The following SPTBN1 variants were observed in gnomAD, a reference collection of about 807,000 sequenced individuals.
SPTBN1 encodes spectrin beta, non-erythrocytic 1.
In SPTBN1, 32 loss-of-function variants were observed where a neutral mutation model predicts 266.4. That is an observed-to-expected ratio of 0.12 (90% confidence interval 0.09 to 0.16). SPTBN1 has a LOEUF of 0.16. SPTBN1 is among the 10% of genes least tolerant of loss of function. The pLI is 1.00. For synonymous variants in SPTBN1, 1,336 were observed against 1,162.2 expected (o/e 1.15, Z -3.04); for missense variants, 2,296 against 3,067.1 (o/e 0.75, Z 5.94).
intron 1 of SPTBN1, among the ~76,000 whole-genome samples, chr2:54,462,886 G>C (rs141461947): frequency 1.3e-5 from 2 of 152,346 alleles, no homozygotes; most frequent in East Asian, 1.9e-4. Flanking sequence ...TTTCCACTGA[G>C]CTGAGATAGT....
intron 1 of SPTBN1, among the ~76,000 whole-genome samples, chr2:54,494,830 C>A (rs1668877705): frequency 6.6e-6 from 1 of 151,772 alleles, no homozygotes; most frequent in Admixed American, 6.6e-5. Flanking sequence ...ATGATGGTTT[C>A]ACAGGTATAT....
chr2:54,493,627 C>G (rs1346555178), intron 1 of SPTBN1, among the ~76,000 whole-genome samples: 3 of 152,144 alleles, frequency 2.0e-5, no homozygotes, highest in African/African-American at 4.8e-5. Context: ...GTCTTGAACT[C>G]CTTGCCTCAA....
chr2:54,621,358 G>C (rs368638007), intron 7 of SPTBN1, 42 bp from the exon 8 acceptor site: 94,154 of 1,513,820 alleles, frequency 0.062, 3,382 homozygotes, highest in Middle Eastern at 0.087. Flanking sequence ...GTGGGGCACA[G>C]TAGCATGCAA....
At chr2:54,615,429 A>T (rs1677535841) in intron 4 of SPTBN1, among the ~76,000 whole-genome samples, 2 of 152,352 alleles carry the variant, frequency 1.3e-5, no homozygotes, top group Non-Finnish European at 2.9e-5. Flanking sequence ...AATAGACAAA[A>T]GTGTATTTGG....
intron 33 of SPTBN1, among the ~76,000 whole-genome samples, chr2:54,665,120 G>A (rs1025503296): frequency 6.6e-6 from 1 of 152,070 alleles, no homozygotes; most frequent in Admixed American, 6.5e-5. Context: ...TTAACAGATG[G>A]GGAACAGAGG....
intron 1 of SPTBN1, among the ~76,000 whole-genome samples, chr2:54,498,111 T>C (rs1001755748): frequency 6.6e-6 from 1 of 152,124 alleles, no homozygotes; most frequent in Non-Finnish European, 1.5e-5. Flanking sequence ...ATTTCTTAGG[T>C]TGGGGATACA....
At chr2:54,659,821 G>T in intron 31 of SPTBN1, 115 bp from the exon 32 acceptor site, 1 of 1,459,858 alleles carries the variant, frequency 6.8e-7, no homozygotes, top group South Asian at 1.5e-5. Flanking sequence ...ATTAAATTAT[G>T]TGAAAAGGTT....
chr2:54,506,894 C>CCCTTTTTTT (rs1162484093), intron 1 of SPTBN1, among the ~76,000 whole-genome samples: 1 of 133,504 alleles, frequency 7.5e-6, no homozygotes. Flanking sequence ...GGTTCTCTCT[C>CCCTTTTTTT]TTTTTTTTTT....
intron 2 of SPTBN1, among the ~76,000 whole-genome samples, chr2:54,578,893 A>G (rs553855410): frequency 7.9e-5 from 12 of 152,132 alleles, no homozygotes; most frequent in African/African-American, 9.6e-5. Context: ...GTTCTCTTCT[A>G]TGCCCTCTCT....
intron 2 of SPTBN1, among the ~76,000 whole-genome samples, chr2:54,592,519 G>A (rs1198456498): frequency 6.6e-6 from 1 of 151,978 alleles, no homozygotes; most frequent in Non-Finnish European, 1.5e-5. Flanking sequence ...CGAGTAGCTG[G>A]GATTACAGAC....
rs1253818986 is a variant in SPTBN1, at chr2:54,618,113, C to G, written c.683C>G (p.Ser228Cys). The G allele has an allele frequency of 2.5e-6, 4 of 1,614,180 alleles. No individual in the cohort carries two copies. The highest frequency in any genetic ancestry group is 3.4e-6 in the Non-Finnish European group (4 of 1,180,024). ...ATAGATTTTGACAAACTAAAGAAAT[C>G]TAACGCACACTACAACCTGCAGAAT... Reference protein sequence around the residue: ...DLIDFDKLKKSNAHYNLQNAF... With the variant: ...DLIDFDKLKKCNAHYNLQNAF... The change falls in exon 7 of 36, where the codon TCT becomes TGT. Residue 228 changes from serine (S) to cysteine (C), a missense_variant. Physicochemically the swap from Ser to Cys is moderately radical, Grantham distance 112. Coordinates refer to ENST00000356805, the MANE Select transcript of SPTBN1 (RefSeq NM_003128.3).
At chr2:54,588,638 T>TG (rs1170132585) in intron 2 of SPTBN1, among the ~76,000 whole-genome samples, 1 of 152,198 alleles carries the variant, frequency 6.6e-6, no homozygotes, top group Non-Finnish European at 1.5e-5. Context: ...AAGATCCTAA[T>TG]GCAGCATCAC....
At position 54,646,071 on chromosome 2, in the gene SPTBN1, T is replaced by A; in HGVS notation, c.4584+54T>A. ...TCTGATAAATAATTGCTCTAAATTA[T>A]GAGACTGGGAATGGCAGAGAGCTTT... On this transcript the variant is annotated intron_variant, in intron 22 of 35. Coordinates refer to ENST00000356805, the MANE Select transcript of SPTBN1 (RefSeq NM_003128.3). This position sits in a 1 kb window ranked among gnomAD's most constrained non-coding sequence, Gnocchi z 4.4. 1 of 1,612,978 alleles carries A rather than the reference T, an allele frequency of 6.2e-7. No individual in the cohort carries two copies. Among genetic ancestry groups the A allele is most frequent in the Non-Finnish European group, 8.5e-7 (1 of 1,179,130 alleles).
At chr2:54,665,349 G>T (rs905167119) in intron 33 of SPTBN1, among the ~76,000 whole-genome samples, 6 of 152,182 alleles carry the variant, frequency 3.9e-5, no homozygotes, top group Admixed American at 3.9e-4. Context: ...ATACATGCTG[G>T]TGTAATACAG....
chr2:54,612,522 C>T (rs1230036730), intron 4 of SPTBN1, among the ~76,000 whole-genome samples, 188 bp downstream of exon 4: 1 of 152,208 alleles, frequency 6.6e-6, no homozygotes, highest in Non-Finnish European at 1.5e-5. Flanking sequence ...GAAGCTACTA[C>T]ATCCTCCTGC....
intron 2 of SPTBN1, chr2:54,527,488 C>G (rs922228835): frequency 6.6e-6 from 1 of 152,144 alleles, no homozygotes. Context: ...TGATTGTGGA[C>G]AAAGGAAACC....
intron 2 of SPTBN1, among the ~76,000 whole-genome samples, chr2:54,587,332 C>T (rs1675360281): frequency 6.6e-6 from 1 of 152,140 alleles, no homozygotes; most frequent in Admixed American, 6.5e-5. Context: ...AGACATCTCC[C>T]TTCTCCATAT....
intron 3 of SPTBN1, among the ~76,000 whole-genome samples, chr2:54,600,456 C>T (rs774985112): frequency 3.3e-5 from 5 of 152,068 alleles, no homozygotes; most frequent in African/African-American, 4.8e-5. Context: ...AACGGAGACC[C>T]CTGCTCAAAA....
At chr2:54,538,618 A>T (rs1486711858) in intron 2 of SPTBN1, among the ~76,000 whole-genome samples, 2 of 152,152 alleles carry the variant, frequency 1.3e-5, no homozygotes, top group African/African-American at 4.8e-5. Context: ...GTTAATCTTC[A>T]AGGGAATTTG....
Sources: allele counts gnomAD v4.1 joint callset (sites outside exome capture counted in the v4.1 genomes callset), GRCh38; gene constraint gnomAD v4.1.1; non-coding constraint Gnocchi (gnomAD v3.1); transcripts MANE v1.5; gene names NCBI Gene and HGNC (gene_info 2026-07-23, HGNC 2026-07-21).